The following DNAH8 variants were observed in gnomAD, a reference collection of about 807,000 sequenced individuals.
The protein encoded by DNAH8 is axonemal beta dynein heavy chain 8.
In DNAH8, 382 loss-of-function variants were observed where a neutral mutation model predicts 562.1. The ratio of observed to expected loss-of-function variants is 0.68; its 90% CI spans 0.63 to 0.74. DNAH8 has a LOEUF of 0.74. Among genes scored for constraint, DNAH8 ranks in the 30% least tolerant of loss-of-function variants. The pLI is 0.00. For missense variants in DNAH8, 5,203 were observed against 5,620.4 expected (o/e 0.93, Z 2.37); for synonymous variants, 1,881 against 1,919.4 (o/e 0.98, Z 0.52).
intron 45 of DNAH8, among the ~76,000 whole-genome samples, chr6:38,865,700 C>T (rs1269621519): frequency 1.3e-5 from 2 of 152,176 alleles, no homozygotes; most frequent in Non-Finnish European, 2.9e-5. Context: ...ATAATCACAG[C>T]AGCTGCAAGG....
intron 61 of DNAH8, 115 bp downstream of exon 61, chr6:38,898,495 T>G: frequency 2.5e-6 from 2 of 808,412 alleles, no homozygotes; most frequent in Non-Finnish European, 3.4e-6. Flanking sequence ...TATAGAAGAC[T>G]GTACATAGGT....
intron 23 of DNAH8, among the ~76,000 whole-genome samples, chr6:38,806,358 A>G (rs1280288855): frequency 1.3e-5 from 2 of 152,170 alleles, no homozygotes; most frequent in Non-Finnish European, 2.9e-5. Flanking sequence ...ATATTGCCAG[A>G]TAATTGGGAA....
At chr6:39,023,531 A>G (rs1767067897) in intron 91 of DNAH8, among the ~76,000 whole-genome samples, 1 of 152,170 alleles carries the variant, frequency 6.6e-6, no homozygotes, top group Non-Finnish European at 1.5e-5. Flanking sequence ...AAAAAACTAA[A>G]TTGTGCCAAA....
At chr6:39,024,689 C>T (rs1767152922) in intron 91 of DNAH8, among the ~76,000 whole-genome samples, 1 of 152,188 alleles carries the variant, frequency 6.6e-6, no homozygotes, top group Non-Finnish European at 1.5e-5. Context: ...AGTCAACATA[C>T]TCACATGCTG....
chr6:38,977,843 G>T (rs41376545), intron 85 of DNAH8, among the ~76,000 whole-genome samples: 8 of 152,088 alleles, frequency 5.3e-5, no homozygotes, highest in Admixed American at 5.2e-4. Flanking sequence ...GGTCTTCTCA[G>T]CCAATTATCT....
intron 82 of DNAH8, among the ~76,000 whole-genome samples, chr6:38,963,262 T>C (rs1281650155): frequency 1.9e-5 from 1 of 53,396 alleles, no homozygotes; most frequent in South Asian, 5.8e-4. Context: ...TCTTTTTTTT[T>C]TTTTTTTTTT....
chr6:38,749,848 T>C (rs1562642555), intron 8 of DNAH8, among the ~76,000 whole-genome samples: 1 of 152,242 alleles, frequency 6.6e-6, no homozygotes, highest in Admixed American at 6.5e-5. Context: ...TTTATTTTTT[T>C]TGAGACAAAG....
At chr6:38,916,230 T>C (rs1356332736) in intron 68 of DNAH8, among the ~76,000 whole-genome samples, 2 of 152,178 alleles carry the variant, frequency 1.3e-5, no homozygotes, top group East Asian at 1.9e-4. Context: ...CAGAAAAATG[T>C]ATAGGATTCT....
intron 13 of DNAH8, among the ~76,000 whole-genome samples, chr6:38,777,091 C>A (rs749891194): frequency 6.6e-6 from 1 of 152,136 alleles, no homozygotes; most frequent in Non-Finnish European, 1.5e-5. Flanking sequence ...ACCATTCTAA[C>A]GATAACACTT....
chr6:38,899,703 G>A (rs1779945346), intron 61 of DNAH8, 73 bp from the exon 62 acceptor site: 1 of 1,525,938 alleles, frequency 6.6e-7, no homozygotes, highest in Admixed American at 1.8e-5. Context: ...TCAAAACTTG[G>A]GCTCATTTAG....
In DNAH8 at chr6:38,781,284, C is replaced by T; in HGVS notation, c.2170C>T (p.Leu724Phe). The change falls in exon 16 of 93, where the codon CTT becomes TTT. Residue 724 changes from leucine to phenylalanine, a missense_variant. Physicochemically the swap from Leu to Phe is conservative, Grantham distance 22 (BLOSUM62 0). Coordinates refer to ENST00000327475, the MANE Select transcript of DNAH8 (RefSeq NM_001206927.2). ...TCATTCTCAGAAAGATGACCCCCCT[C>T]TTGCTCGCAACATGCCCCCTATAGC... is the stretch of plus-strand genomic sequence containing the variant. ...LYHSQKDDPP[L>F]ARNMPPIAGK... 1 of 1,613,930 alleles carries T rather than the reference C, an allele frequency of 6.2e-7. No individual in the cohort carries two copies. Among genetic ancestry groups the T allele is most frequent in the Non-Finnish European group, 8.5e-7 (1 of 1,179,884 alleles).
intron 32 of DNAH8, among the ~76,000 whole-genome samples, chr6:38,835,769 C>G (rs77650701): frequency 5.8e-4 from 89 of 152,142 alleles, no homozygotes; most frequent in African/African-American, 1.9e-3. Context: ...CAGCGAGCAC[C>G]AGTGGAGGGC....
At chr6:38,827,348 G>A (rs1324671626) in intron 29 of DNAH8, among the ~76,000 whole-genome samples, 1 of 152,154 alleles carries the variant, frequency 6.6e-6, no homozygotes, top group African/African-American at 2.4e-5. Flanking sequence ...TAGCCTTGGT[G>A]AGTTTGTCTA....
intron 45 of DNAH8, among the ~76,000 whole-genome samples, chr6:38,865,832 C>T (rs1305558288): frequency 2.0e-5 from 3 of 152,112 alleles, no homozygotes; most frequent in African/African-American, 4.8e-5. Context: ...TATTTCCAGC[C>T]CCTAGCAAGG....
intron 88 of DNAH8, among the ~76,000 whole-genome samples, chr6:39,004,872 T>A (rs1765708424): frequency 6.6e-6 from 1 of 152,220 alleles, no homozygotes; most frequent in African/African-American, 2.4e-5. Flanking sequence ...ACTTCCTTGG[T>A]TTTTATTGCC....
intron 79 of DNAH8, among the ~76,000 whole-genome samples, chr6:38,941,551 G>GT (rs1783461113): frequency 6.6e-6 from 1 of 152,180 alleles, no homozygotes; most frequent in Non-Finnish European, 1.5e-5. Context: ...TTTTAAGGCA[G>GT]TGTGGTGTGG....
At chr6:38,942,512 C>T (rs530774209) in intron 79 of DNAH8, among the ~76,000 whole-genome samples, 18 of 152,296 alleles carry the variant, frequency 1.2e-4, no homozygotes, top group African/African-American at 4.3e-4. Flanking sequence ...GATGCCCCTG[C>T]ATTCTGCCCA....
At chr6:38,839,643 C>G (rs190977256) in intron 33 of DNAH8, among the ~76,000 whole-genome samples, 1 of 152,076 alleles carries the variant, frequency 6.6e-6, no homozygotes, top group Admixed American at 6.5e-5. Flanking sequence ...CAGGTGTGAG[C>G]ACCCGCACCC....
At chr6:38,810,950 T>C (rs1481869016) in intron 24 of DNAH8, among the ~76,000 whole-genome samples, 1 of 152,188 alleles carries the variant, frequency 6.6e-6, no homozygotes, top group African/African-American at 2.4e-5. Flanking sequence ...TGTCTTTTAG[T>C]ACTTGGAAAG....
Sources: gnomAD v4.1 joint callset for allele counts (sites outside exome capture counted in the v4.1 genomes callset) on GRCh38, gnomAD v4.1.1 for gene constraint, MANE v1.5 for transcripts, NCBI Gene and HGNC (gene_info 2026-07-23, HGNC 2026-07-21) for gene names.